CEMIP: variants seen among roughly 807,000 people sequenced by gnomAD.
CEMIP encodes cell migration inducing hyaluronidase 1, also known as cell migration-inducing and hyaluronan-binding protein.
In CEMIP, 105 loss-of-function variants were observed where a neutral mutation model predicts 156.9. The ratio of observed to expected loss-of-function variants is 0.67; its 90% CI spans 0.57 to 0.79. The LOEUF (loss-of-function observed/expected upper bound fraction) is 0.79. Ranked by LOEUF, CEMIP falls within the 30% of genes least tolerant of loss-of-function variation. The probability of loss-of-function intolerance (pLI) is 0.00; values close to 1 mark genes in which losing one functional copy is unlikely to be tolerated. For synonymous variants in CEMIP, 676 were observed against 668.4 expected (o/e 1.01, Z -0.17); for missense variants, 1,457 against 1,769.4 (o/e 0.82, Z 3.17).
intron 1 of CEMIP, among the ~76,000 whole-genome samples, chr15:80,799,814 C>A (rs1896330233): frequency 6.6e-6 from 1 of 151,802 alleles, no homozygotes; most frequent in Non-Finnish European, 1.5e-5. Flanking sequence ...TGAAATAAGC[C>A]CTGACTTGAT....
At chr15:80,850,000 G>C (rs74030622) in intron 1 of CEMIP, among the ~76,000 whole-genome samples, 1,919 of 152,298 alleles carry the variant, frequency 0.013, 47 homozygotes, top group African/African-American at 0.044. Flanking sequence ...GTGGGGAGAG[G>C]GCGGCACCGC....
At chr15:80,791,693 T>C (rs1386395227) in intron 1 of CEMIP, among the ~76,000 whole-genome samples, 1 of 152,138 alleles carries the variant, frequency 6.6e-6, no homozygotes, top group Non-Finnish European at 1.5e-5. Context: ...TGAGGAGGGT[T>C]TATCCTGTGG....
chr15:80,821,410 A>G (rs1311767374), intron 1 of CEMIP, among the ~76,000 whole-genome samples: 1 of 152,228 alleles, frequency 6.6e-6, no homozygotes, highest in Non-Finnish European at 1.5e-5. Context: ...GGCAGGAGAA[A>G]GGATGAGTAC....
At chr15:80,902,208 C>T (rs967487817) in intron 12 of CEMIP, among the ~76,000 whole-genome samples, 2 of 152,220 alleles carry the variant, frequency 1.3e-5, no homozygotes, top group Admixed American at 1.3e-4. Flanking sequence ...GGAAGCAGGA[C>T]ACCTGCAGAG....
At chr15:80,854,206 C>T (rs917936310) in intron 1 of CEMIP, among the ~76,000 whole-genome samples, 1 of 152,260 alleles carries the variant, frequency 6.6e-6, no homozygotes, top group Non-Finnish European at 1.5e-5. Flanking sequence ...CCAACTGAAG[C>T]CTCTGGAAGA....
intron 10 of CEMIP, among the ~76,000 whole-genome samples, chr15:80,894,682 A>G (rs1899150743): frequency 6.6e-6 from 1 of 152,210 alleles, no homozygotes; most frequent in South Asian, 2.1e-4. Context: ...AGATCCTAGA[A>G]GAGTGGCTAC....
At chr15:80,829,304 G>A (rs1419223217) in intron 1 of CEMIP, among the ~76,000 whole-genome samples, 1 of 152,136 alleles carries the variant, frequency 6.6e-6, no homozygotes, top group Admixed American at 6.5e-5. Flanking sequence ...TGATACCTGA[G>A]CACCCTCATA....
At position 80,874,758 on chromosome 15, in the gene CEMIP, G is replaced by A. The variant is rs551563157; in HGVS notation, c.94+785G>A. On this transcript the variant is annotated intron_variant, in intron 3 of 29. Coordinates refer to ENST00000394685, the MANE Select transcript of CEMIP (RefSeq NM_001293298.2). ...TAATCCAAACTTGGGACAGAAGACA[G>A]TGACAGACAGGGACAATTTTTAAAT... Among the ~76,000 whole-genome samples, 9 of 152,352 alleles carry A rather than the reference G, an allele frequency of 5.9e-5. No homozygotes were observed. In the South Asian group the frequency reaches 1.7e-3, roughly 28 times the overall value.
intron 1 of CEMIP, among the ~76,000 whole-genome samples, chr15:80,793,380 C>T (rs1596091903): frequency 6.6e-6 from 1 of 152,282 alleles, no homozygotes; most frequent in East Asian, 1.9e-4. Context: ...ATTATCAACA[C>T]GAGGTTAAGT....
At chr15:80,889,147 G>A (rs1898951739) in intron 9 of CEMIP, among the ~76,000 whole-genome samples, 2 of 152,268 alleles carry the variant, frequency 1.3e-5, no homozygotes, top group Non-Finnish European at 2.9e-5. Context: ...AGGGATTGCA[G>A]AAAGCAGCAA....
intron 23 of CEMIP, 130 bp from the exon 24 acceptor site, chr15:80,936,544 C>A: frequency 1.2e-6 from 1 of 837,526 alleles, no homozygotes; most frequent in Non-Finnish European, 2.0e-6. Flanking sequence ...TCATTCAAGC[C>A]TTCTAAAAAG....
chr15:80,905,585 G>A (rs2141885295), intron 12 of CEMIP, among the ~76,000 whole-genome samples: 1 of 152,274 alleles, frequency 6.6e-6, no homozygotes, highest in Non-Finnish European at 1.5e-5. Flanking sequence ...AGAAAACAGA[G>A]GGGTTAGGTG....
intron 1 of CEMIP, among the ~76,000 whole-genome samples, chr15:80,825,143 T>C (rs1897001731): frequency 6.6e-6 from 1 of 152,204 alleles, no homozygotes; most frequent in African/African-American, 2.4e-5. Flanking sequence ...AAACTTGTGA[T>C]GTAGGTTTGA....
At chr15:80,860,684 A>T (rs1897962900) in intron 1 of CEMIP, among the ~76,000 whole-genome samples, 1 of 152,112 alleles carries the variant, frequency 6.6e-6, no homozygotes, top group East Asian at 1.9e-4. Flanking sequence ...TGCCTCAAGC[A>T]CTATGCATGT....
intron 6 of CEMIP, among the ~76,000 whole-genome samples, chr15:80,883,919 C>T (rs1176298491): frequency 1.3e-5 from 2 of 152,254 alleles, no homozygotes; most frequent in Non-Finnish European, 1.5e-5. Flanking sequence ...TTCACTGCTG[C>T]AATCATTTCT....
At chr15:80,824,054 T>G (rs1180082538) in intron 1 of CEMIP, among the ~76,000 whole-genome samples, 1 of 152,204 alleles carries the variant, frequency 6.6e-6, no homozygotes, top group African/African-American at 2.4e-5. Flanking sequence ...GAACTCTCCC[T>G]GCTGTTGGGG....
rs1302411999 is a variant in CEMIP, at chr15:80,881,106, C to A, written c.587C>A (p.Pro196His). The A allele has an allele frequency of 8.1e-6, 13 of 1,614,002 alleles. No individual in the cohort carries two copies. Among genetic ancestry groups the A allele is most frequent in the Non-Finnish European group, 1.1e-5 (13 of 1,180,020 alleles). ...GGAGTTATTGTTCATGTCATCGACC[C>A]CAAATCAGGCACAGTCATCCATTCT... ...HRGVIVHVIDPKSGTVIHSDR... is the reference protein window; with the variant it reads ...HRGVIVHVIDHKSGTVIHSDR... Residue 196 changes from proline to histidine, a missense_variant, in exon 6 of 30, where the codon CCC becomes CAC. This residue lies in a region of CEMIP where 309 missense variants were observed against 340.8 expected (regional missense o/e 0.91). Coordinates refer to ENST00000394685, the MANE Select transcript of CEMIP (RefSeq NM_001293298.2).
chr15:80,797,789 A>G (rs1389834890), intron 1 of CEMIP, among the ~76,000 whole-genome samples: 1 of 152,242 alleles, frequency 6.6e-6, no homozygotes, highest in Admixed American at 6.5e-5. Flanking sequence ...ATGAGAAAGA[A>G]GTCCTGCAGC....
chr15:80,864,487 G>A (rs11072951), intron 1 of CEMIP, among the ~76,000 whole-genome samples: 20,991 of 152,134 alleles, frequency 0.14, 1,957 homozygotes, highest in East Asian at 0.53. Context: ...CTGGGTAATG[G>A]CGACACACTG....
Sources: gnomAD v4.1 joint callset for allele counts (sites outside exome capture counted in the v4.1 genomes callset) on GRCh38, gnomAD v4.1.1 for gene constraint, gnomAD v4.1.1 regional missense constraint, MANE v1.5 for transcripts, NCBI Gene and HGNC (gene_info 2026-07-23, HGNC 2026-07-21) for gene names.